SEPTIN14: variants seen among roughly 807,000 people sequenced by gnomAD.
SEPTIN14 encodes septin-14.
A neutral mutation model predicts 53.6 loss-of-function variants in SEPTIN14; 40 were observed. The ratio of observed to expected loss-of-function variants is 0.75; its 90% CI spans 0.58 to 0.97. SEPTIN14 has a LOEUF of 0.97. SEPTIN14 is among the 50% of genes least tolerant of loss of function. The pLI is 0.00. For missense variants in SEPTIN14, 471 were observed against 508.2 expected, an observed-to-expected ratio of 0.93 and a Z score of 0.70; for synonymous variants, 138 against 166.8, an observed-to-expected ratio of 0.83 and a Z score of 1.33.
At chr7:55,820,625 A>G (rs1191033670) in intron 6 of SEPTIN14, among the ~76,000 whole-genome samples, 1 of 152,176 alleles carries the variant, frequency 6.6e-6, no homozygotes, top group Non-Finnish European at 1.5e-5. Flanking sequence ...ATGGAAATCT[A>G]AATCTGTATA....
intron 6 of SEPTIN14, among the ~76,000 whole-genome samples, chr7:55,827,613 T>C (rs1439765175): frequency 6.6e-6 from 1 of 152,228 alleles, no homozygotes; most frequent in African/African-American, 2.4e-5. Context: ...ATCATTGAGA[T>C]GTTGGTGGGT....
intron 6 of SEPTIN14, among the ~76,000 whole-genome samples, chr7:55,828,615 T>C (rs1789033129): frequency 6.6e-6 from 1 of 152,060 alleles, no homozygotes; most frequent in South Asian, 2.1e-4. Flanking sequence ...GATGAAAGCT[T>C]TAACAATAGG....
rs556828366 is a variant in SEPTIN14 at position 55,859,551 on chromosome 7, T to C, written c.54+2392A>G. 2.0e-5 allele frequency among the ~76,000 whole-genome samples: 3 copies of C among 152,318 alleles called. No individual in the cohort carries two copies. The East Asian group carries it at 5.8e-4, about 29-fold the overall frequency. ...CAGGATGTGTGATGCTCTGTGTTCA[T>C]TGCAGTATTTTTTTAATAGCTAAGA... On this transcript the variant is annotated intron_variant, in intron 2 of 9. Coordinates refer to ENST00000388975, the MANE Select transcript of SEPTIN14 (RefSeq NM_207366.3).
chr7:55,814,540 T>G (rs924157988), intron 7 of SEPTIN14, among the ~76,000 whole-genome samples: 1 of 152,152 alleles, frequency 6.6e-6, no homozygotes, highest in East Asian at 1.9e-4. Flanking sequence ...AAATAAAAAC[T>G]AATCCAATTT....
At chr7:55,854,636 G>T (rs1419442572) in intron 2 of SEPTIN14, among the ~76,000 whole-genome samples, 1 of 152,132 alleles carries the variant, frequency 6.6e-6, no homozygotes, top group East Asian at 1.9e-4. Context: ...CACCATGTTA[G>T]CCAGGATGGT....
chr7:55,808,731 T>C (rs1490817268), intron 7 of SEPTIN14, among the ~76,000 whole-genome samples: 1 of 152,028 alleles, frequency 6.6e-6, no homozygotes, highest in East Asian at 1.9e-4. Flanking sequence ...TTTGTATTTT[T>C]AGTAAAGATG....
intron 7 of SEPTIN14, among the ~76,000 whole-genome samples, chr7:55,810,031 A>C (rs1693137963): frequency 6.6e-6 from 1 of 151,552 alleles, no homozygotes; most frequent in African/African-American, 2.4e-5. Flanking sequence ...ACAGGGTTTC[A>C]CCGCGTTAGC....
rs138319372 is a variant in SEPTIN14 at position 55,853,020 on chromosome 7, C to T, written c.55-6383G>A. Among the ~76,000 whole-genome samples, 182 of 152,186 alleles carry T rather than the reference C, an allele frequency of 1.2e-3. 2 individuals are homozygous for T. The highest frequency in any genetic ancestry group is 3.8e-3 in the African/African-American group (159 of 41,532). ...CTCACCTGAGTTAAAGTGGTTTTTA[C>T]CCAAAAGACTGGCAATAACAAATGC... On this transcript the variant is annotated intron_variant, in intron 2 of 9. Transcript: ENST00000388975.
At chr7:55,798,278 G>A (rs1788465559) in intron 9 of SEPTIN14, 1 of 460,526 alleles carries the variant, frequency 2.2e-6, no homozygotes, top group African/African-American at 2.1e-5. Flanking sequence ...CACCAGGTGG[G>A]ACAGGGAGTG....
intron 4 of SEPTIN14, among the ~76,000 whole-genome samples, chr7:55,843,951 A>C (rs1023854015): frequency 1.3e-5 from 2 of 152,176 alleles, no homozygotes; most frequent in Non-Finnish European, 2.9e-5. Context: ...CCTGGGCAAC[A>C]TAGCAAGACC....
At chr7:55,823,608 G>A (rs948904638) in intron 6 of SEPTIN14, among the ~76,000 whole-genome samples, 4 of 152,200 alleles carry the variant, frequency 2.6e-5, no homozygotes, top group Non-Finnish European at 5.9e-5. Context: ...TGTGTGGCAG[G>A]TAGCGCGCCC....
intron 6 of SEPTIN14, among the ~76,000 whole-genome samples, chr7:55,824,626 T>C (rs1298933580): frequency 1.1e-4 from 6 of 55,350 alleles, no homozygotes; most frequent in African/African-American, 9.2e-4. Flanking sequence ...CTACTAAAAA[T>C]ACAAAAAAAA....
intron 6 of SEPTIN14, among the ~76,000 whole-genome samples, chr7:55,830,345 A>ATTTTTTTTTTTTTTT (rs1337453699): frequency 7.5e-5 from 3 of 40,104 alleles, no homozygotes; most frequent in African/African-American, 3.9e-4. Flanking sequence ...ATATATATAT[A>ATTTTTTTTTTTTTTT]TATATTTTTT....
chr7:55,822,595 A>G (rs1788915742), intron 6 of SEPTIN14, among the ~76,000 whole-genome samples: 1 of 152,180 alleles, frequency 6.6e-6, no homozygotes, highest in South Asian at 2.1e-4. Context: ...AAATATGCCT[A>G]CACAAATAAA....
intron 2 of SEPTIN14, among the ~76,000 whole-genome samples, chr7:55,853,249 TCA>T (rs984050616): frequency 1.2e-4 from 19 of 152,366 alleles, no homozygotes; most frequent in African/African-American, 3.8e-4. Flanking sequence ...GCAGCACTAT[TCA>T]CACTAGGCAA....
chr7:55,830,349 A>ATATATATATTTTT (rs71015108), intron 6 of SEPTIN14, among the ~76,000 whole-genome samples: 5 of 56,852 alleles, frequency 8.8e-5, no homozygotes, highest in African/African-American at 2.0e-4. Context: ...ATATATATAT[A>ATATATATATTTTT]TTTTTTTTTT....
intron 5 of SEPTIN14, among the ~76,000 whole-genome samples, chr7:55,836,565 C>T (rs2116036821): frequency 6.6e-6 from 1 of 152,154 alleles, no homozygotes; most frequent in Non-Finnish European, 1.5e-5. Flanking sequence ...ATGAACAAAC[C>T]CCGTCTCTAC....
At chr7:55,830,349 A>ATTTTTTTTTTT (rs1216458496) in intron 6 of SEPTIN14, among the ~76,000 whole-genome samples, 3 of 56,844 alleles carry the variant, frequency 5.3e-5, no homozygotes, top group African/African-American at 3.0e-4. Flanking sequence ...ATATATATAT[A>ATTTTTTTTTTT]TTTTTTTTTT....
intron 5 of SEPTIN14, among the ~76,000 whole-genome samples, chr7:55,836,286 TAAC>T (rs1298673407): frequency 6.6e-6 from 1 of 152,166 alleles, no homozygotes; most frequent in Non-Finnish European, 1.5e-5. Flanking sequence ...TTTTAGGAAA[TAAC>T]AATATACAAA....
Sources: gnomAD v4.1 joint callset for allele counts (sites outside exome capture counted in the v4.1 genomes callset) on GRCh38, gnomAD v4.1.1 for gene constraint, MANE v1.5 for transcripts, NCBI Gene and HGNC (gene_info 2026-07-23, HGNC 2026-07-21) for gene names.